Variants in ZPBP observed in about 807,000 individuals in gnomAD.
The protein encoded by ZPBP is zona pellucida-binding protein 1.
In ZPBP, 26 loss-of-function variants were observed where a neutral mutation model predicts 44.8. The observed-to-expected ratio is 0.58, with a 90% CI of 0.43 to 0.81. The LOEUF is 0.81. Ranked by LOEUF, ZPBP falls within the 30% of genes least tolerant of loss-of-function variation. The probability of loss-of-function intolerance (pLI) is 0.00; values close to 1 mark genes in which losing one functional copy is unlikely to be tolerated. For synonymous variants in ZPBP, 174 were observed against 153.2 expected, an observed-to-expected ratio of 1.14 and a Z score of -1.00; for missense variants, 409 against 434.0, an observed-to-expected ratio of 0.94 and a Z score of 0.51.
chr7:49,879,589 T>C (rs942302255), intron 2 of ZPBP, among the ~76,000 whole-genome samples: 2 of 152,178 alleles, frequency 1.3e-5, no homozygotes, highest in Non-Finnish European at 2.9e-5. Flanking sequence ...GCAGCACTTC[T>C]GGGTCCTGAC....
At chr7:50,060,789 C>T (rs984700725) in intron 3 of ZPBP, among the ~76,000 whole-genome samples, 5 of 152,078 alleles carry the variant, frequency 3.3e-5, no homozygotes, top group African/African-American at 1.2e-4. Context: ...TGAGGAGGAT[C>T]GACTCTTTCC....
chr7:49,924,136 A>AAATAATAATAATAATAAT (rs59183596), intron 1 of ZPBP, among the ~76,000 whole-genome samples: 46 of 149,458 alleles, frequency 3.1e-4, no homozygotes, highest in African/African-American at 1.1e-3. Flanking sequence ...TAATAATAAT[A>AAATAATAATAATAATAAT]AATAATAATA....
In ZPBP at chr7:49,856,434, T is replaced by G. The variant is rs1250540765; in HGVS notation, n.510-5920A>C. ...TCCTGAGGTTCACCAGAAAAAGATG[T>G]TGGCCCCATGCTTCTTGTACAGGCT... On this transcript the variant is annotated intron_variant and non_coding_transcript_variant, in intron 2 of 2. Transcript: ENST00000465922. Among the ~76,000 whole-genome samples, 4 of 152,226 alleles carry G rather than the reference T, an allele frequency of 2.6e-5. No homozygotes were observed. The East Asian group carries it at 7.7e-4, about 29-fold the overall frequency.
chr7:50,003,101 G>C (rs1231608027), intron 6 of ZPBP, among the ~76,000 whole-genome samples: 2 of 152,056 alleles, frequency 1.3e-5, no homozygotes, highest in African/African-American at 4.8e-5. Context: ...TACTGAAAAT[G>C]GTATGGGAAA....
At chr7:49,928,343 C>G (rs1304479633) in intron 1 of ZPBP, among the ~76,000 whole-genome samples, 1 of 152,132 alleles carries the variant, frequency 6.6e-6, no homozygotes, top group Non-Finnish European at 1.5e-5. Context: ...AATCTTATTC[C>G]TTCTATGCCT....
At chr7:49,907,283 G>A (rs1793154580) in intron 1 of ZPBP, among the ~76,000 whole-genome samples, 1 of 152,156 alleles carries the variant, frequency 6.6e-6, no homozygotes, top group South Asian at 2.1e-4. Context: ...GGAATGAAGT[G>A]GAGAGGATAA....
At chr7:50,033,323 C>T (rs56027869) in intron 4 of ZPBP, among the ~76,000 whole-genome samples, 4,037 of 152,118 alleles carry the variant, frequency 0.027, 78 homozygotes, top group Non-Finnish European at 0.041. Context: ...GCTTTGATTG[C>T]GATGTCACAT....
intron 7 of ZPBP, among the ~76,000 whole-genome samples, chr7:49,975,165 T>C (rs1911768): frequency 0.29 from 44,069 of 151,966 alleles, 7,067 homozygotes; most frequent in Non-Finnish European, 0.37. Flanking sequence ...CATCTGTCAG[T>C]TCTGGCTATG....
chr7:49,991,269 A>C (rs917530945), intron 6 of ZPBP, among the ~76,000 whole-genome samples: 10 of 152,188 alleles, frequency 6.6e-5, no homozygotes, highest in Non-Finnish European at 1.5e-4. Flanking sequence ...AAGTCTCTAC[A>C]GATAACTATA....
rs887443066 is a variant in ZPBP, at chr7:50,069,283, CT to C, written c.335-11143del. On this transcript the variant is annotated intron_variant, in intron 3 of 7. Transcript: ENST00000046087. ...ACTGGTTTTTCTGCCTTTCCAGAGA[CT>C]TTTTTTTTGTCTCAGCTTCTGGGGC... 4.6e-3 allele frequency among the ~76,000 whole-genome samples: 695 copies of C among 151,550 alleles called. 2 individuals are homozygous for C. Among genetic ancestry groups the C allele is most frequent in the African/African-American group, 0.016 (672 of 41,332 alleles).
At chr7:49,957,174 C>T (rs1795639539) in intron 7 of ZPBP, among the ~76,000 whole-genome samples, 2 of 152,214 alleles carry the variant, frequency 1.3e-5, no homozygotes, top group East Asian at 1.9e-4. Flanking sequence ...GATGTCAATA[C>T]CTTGATCCTG....
chr7:49,879,666 T>C (rs893732070), intron 2 of ZPBP, among the ~76,000 whole-genome samples: 1 of 152,144 alleles, frequency 6.6e-6, no homozygotes, highest in African/African-American at 2.4e-5. Context: ...TACTGCAGTT[T>C]TTGTGATATT....
At chr7:49,982,532 C>G (rs891706346) in intron 7 of ZPBP, among the ~76,000 whole-genome samples, 6 of 150,304 alleles carry the variant, frequency 4.0e-5, no homozygotes, top group Admixed American at 3.4e-4. Context: ...ATAAAGATAA[C>G]TGTAGCCAAG....
intron 3 of ZPBP, among the ~76,000 whole-genome samples, chr7:50,069,539 A>G (rs1801724451): frequency 6.6e-6 from 1 of 152,218 alleles, no homozygotes; most frequent in Non-Finnish European, 1.5e-5. Flanking sequence ...ACACACGACC[A>G]ATTTCTCTAT....
downstream of ZPBP, among the ~76,000 whole-genome samples, chr7:49,849,679 A>G (rs1380063205): frequency 1.3e-5 from 2 of 152,246 alleles, no homozygotes; most frequent in Non-Finnish European, 2.9e-5. Context: ...ACCATTTGGT[A>G]GTGCCCTATT....
intron 6 of ZPBP, among the ~76,000 whole-genome samples, chr7:49,992,232 G>T (rs1203456003): frequency 1.3e-5 from 2 of 152,032 alleles, no homozygotes; most frequent in Non-Finnish European, 2.9e-5. Flanking sequence ...TGAAGTAAAT[G>T]ATGAAATGAA....
chr7:49,867,846 T>TA (rs1337587663), intron 2 of ZPBP, among the ~76,000 whole-genome samples: 5 of 101,300 alleles, frequency 4.9e-5, no homozygotes, highest in Non-Finnish European at 1.2e-4. Flanking sequence ...TTTTATTTTA[T>TA]TTTTTGAGGT....
intron 5 of ZPBP, among the ~76,000 whole-genome samples, chr7:50,019,116 A>T (rs2128805966): frequency 6.6e-6 from 1 of 152,186 alleles, no homozygotes; most frequent in South Asian, 2.1e-4. Context: ...CAATTTGTAA[A>T]ACAAGGGGCT....
At chr7:49,986,234 C>T (rs1033279062) in intron 6 of ZPBP, among the ~76,000 whole-genome samples, 7 of 152,160 alleles carry the variant, frequency 4.6e-5, no homozygotes, top group African/African-American at 1.2e-4. Context: ...CTGTATCCCC[C>T]ACCCTCCGTT....
Sources: allele counts gnomAD v4.1 joint callset (sites outside exome capture counted in the v4.1 genomes callset), GRCh38; gene constraint gnomAD v4.1.1; transcripts MANE v1.5; gene names NCBI Gene and HGNC (gene_info 2026-07-23, HGNC 2026-07-21).